ZNF823: variants seen among roughly 807,000 people sequenced by gnomAD.
ZNF823 encodes the protein zinc finger protein 823.
ZNF823 carries 5 observed loss-of-function variants against 11.4 expected under a neutral mutation model. The observed-to-expected ratio is 0.44, with a 90% CI of 0.23 to 0.92. The LOEUF is 0.92. ZNF823 is among the 40% of genes least tolerant of loss of function. The pLI, the probability that ZNF823 is intolerant of heterozygous loss-of-function variation, is 0.24. For synonymous variants in ZNF823, 234 were observed against 250.5 expected (o/e 0.93, Z 0.62); for missense variants, 582 against 738.5 (o/e 0.79, Z 2.46).
At position 11,723,276 on chromosome 19, in the gene ZNF823, A is replaced by G. The variant is rs368436106; in HGVS notation, c.258T>C (p.Ser86=). 5 of 1,613,970 alleles carry G rather than the reference A, an allele frequency of 3.1e-6. No homozygotes were observed. Among genetic ancestry groups the G allele is most frequent in the East Asian group, 2.2e-5 (1 of 44,890 alleles). Residue 86 remains serine (S), a synonymous_variant, in exon 4 of 4, where the codon AGT becomes AGC. Transcript: ENST00000341191. ...CGETFGQIPD[S]IVNKNTPRVN... ...CTCGAGGAGTGTTCTTGTTCACAAT[A>G]CTATCTGGAATCTGGCCAAAAGTTT...
Position 11,721,677 on chromosome 19 carries a change from A to C in ZNF823, c.*24T>G. On this transcript the variant is annotated 3_prime_UTR_variant, in exon 4 of 4. Transcript: ENST00000341191. ...TCAAGTTTCTGAAATTAAAGTACTG[A>C]ATGTTTTCCCACATTCCATACATTT... 1 of 1,567,962 alleles carries C rather than the reference A, an allele frequency of 6.4e-7. No homozygotes were observed. The highest frequency in any genetic ancestry group is 8.6e-7 in the Non-Finnish European group (1 of 1,158,426).
chr19:11,724,980 A>C (rs1053487460), intron 2 of ZNF823, among the ~76,000 whole-genome samples: 1 of 152,158 alleles, frequency 6.6e-6, no homozygotes, highest in Non-Finnish European at 1.5e-5. Flanking sequence ...TATGTTATCC[A>C]TAAGTGGGCC....
intron 1 of ZNF823, among the ~76,000 whole-genome samples, chr19:11,738,453 C>CT (rs1233018646): frequency 1.3e-5 from 2 of 152,248 alleles, no homozygotes; most frequent in Non-Finnish European, 2.9e-5. Context: ...CCCTCTCCCC[C>CT]ATTAAACTGT....
chr19:11,730,207 T>C (rs964739236), intron 1 of ZNF823, among the ~76,000 whole-genome samples: 2 of 152,086 alleles, frequency 1.3e-5, no homozygotes, highest in Non-Finnish European at 2.9e-5. Context: ...GGATTACAAG[T>C]GTGAGCCACC....
Position 11,722,951 on chromosome 19 carries a change from T to TA in ZNF823, c.582dup (p.Lys195Ter). 1.2e-6 allele frequency: 2 copies of TA among 1,614,220 alleles called. No homozygotes were observed. The highest frequency in any genetic ancestry group is 1.7e-6 in the Non-Finnish European group (2 of 1,180,038). ...CAAACAAAGGCTTTCCCACACAACT[T>TA]ACATTTATAAGGTCCATCTCCATGG... is the stretch of plus-strand genomic sequence containing the variant. On this transcript the variant is annotated frameshift_variant, in exon 4 of 4. Transcript: ENST00000341191. LOFTEE classifies it low-confidence loss of function (END_TRUNC). This position sits in a 1 kb window ranked among gnomAD's most constrained non-coding sequence, Gnocchi z 5.2.
intron 1 of ZNF823, among the ~76,000 whole-genome samples, chr19:11,731,044 G>A (rs1163931377): frequency 1.3e-5 from 2 of 151,468 alleles, no homozygotes; most frequent in East Asian, 3.9e-4. Context: ...CGGGTGAGGT[G>A]GCTCACGCCT....
rs1555766612 is a variant in ZNF823 at position 11,726,287 on chromosome 19, C to CATATACATATATATATATATAT, written c.4-961_4-960insATATATATATATATATGTATAT. On this transcript the variant is annotated intron_variant, in intron 1 of 3. Transcript: ENST00000341191. ...AGTAAAAAACAAAAAATAAAAAATA[C>CATATACATATATATATATATAT]ATATATATATATATATATATAAATT... Among the ~76,000 whole-genome samples, 131 of 112,216 alleles carry CATATACATATATATATATATAT rather than the reference C, an allele frequency of 1.2e-3. 3 individuals are homozygous for CATATACATATATATATATATAT. The highest frequency in any genetic ancestry group is 3.8e-3 in the South Asian group (12 of 3,172). 73.6% of individuals were successfully genotyped at this position (112,216 alleles called of 152,430 possible).
rs566091353 is a variant in ZNF823 at position 11,729,915 on chromosome 19, A to C, written c.4-4588T>G. 1.1e-3 allele frequency among the ~76,000 whole-genome samples: 161 copies of C among 148,780 alleles called. 1 individual carries two copies. Among genetic ancestry groups the C allele is most frequent in the African/African-American group, 3.8e-3 (155 of 40,434 alleles). ...ATCCAGGGCTTATATCTTGTCCCTG[A>C]GTAAAGAATCTTTTTTTTTTTTTTT... On this transcript the variant is annotated intron_variant, in intron 1 of 3. Transcript: ENST00000341191.
Position 11,735,288 on chromosome 19 carries a change from A to AG in ZNF823, c.3+3528_3+3529insC, listed in dbSNP as rs1264038857. Among the ~76,000 whole-genome samples, 832 of 151,486 alleles carry AG rather than the reference A, an allele frequency of 5.5e-3. 14 individuals are homozygous for AG. Among genetic ancestry groups the AG allele is most frequent in the African/African-American group, 0.019 (779 of 41,106 alleles). On this transcript the variant is annotated intron_variant, in intron 1 of 3. Transcript: ENST00000341191. Reference sequence around the variant, plus strand: ...AGACTCCATTTCAAAAAACAAAAAAAAAAAAAAAAAAAGAAAAGCAATTTT... The same window carrying AG: ...AGACTCCATTTCAAAAAACAAAAAAAGAAAAAAAAAAAAGAAAAGCAATTTT...
Position 11,721,656 on chromosome 19 carries a change from GT to G in ZNF823, c.*44del, listed in dbSNP as rs928426022. On this transcript the variant is annotated 3_prime_UTR_variant, in exon 4 of 4. Coordinates refer to ENST00000341191, the MANE Select transcript of ZNF823 (RefSeq NM_001080493.4). ...CTATCTCCAAAGTGAGTTCTTTCAA[GT>G]TTCTGAAATTAAAGTACTGAATGTT... is the stretch of plus-strand genomic sequence containing the variant. 3.9e-6 allele frequency: 6 copies of G among 1,536,752 alleles called. No individual in the cohort carries two copies. The highest frequency in any genetic ancestry group is 4.1e-5 in the Admixed American group (2 of 48,818).
chr19:11,731,150 T>TA (rs1370920412), intron 1 of ZNF823, among the ~76,000 whole-genome samples: 3 of 151,618 alleles, frequency 2.0e-5, no homozygotes, highest in Non-Finnish European at 2.9e-5. Context: ...CTGTCTCTAC[T>TA]AAAAATACAA....
intron 3 of ZNF823, among the ~76,000 whole-genome samples, chr19:11,723,592 T>C (rs142368623): frequency 0.025 from 3,736 of 152,210 alleles, 75 homozygotes; most frequent in East Asian, 0.1. Context: ...GTTGCCCAGG[T>C]TGGAGTGCAA....
At chr19:11,738,730 G>A in intron 1 of ZNF823, 87 bp downstream of exon 1, 1 of 1,478,580 alleles carries the variant, frequency 6.8e-7, no homozygotes, top group South Asian at 1.4e-5. Flanking sequence ...GTCGCCCAGG[G>A]CGAGGCCCGG....
intron 2 of ZNF823, 151 bp downstream of exon 2, chr19:11,725,050 G>T: frequency 1.0e-6 from 1 of 998,798 alleles, no homozygotes; most frequent in Non-Finnish European, 1.4e-6. Flanking sequence ...ATTAGAGGAT[G>T]TAAGACTGTT....
chr19:11,727,509 A>C (rs1385299304), intron 1 of ZNF823, among the ~76,000 whole-genome samples: 6 of 152,116 alleles, frequency 3.9e-5, no homozygotes, highest in African/African-American at 1.2e-4. Context: ...ACTCCATCTC[A>C]AAACAAACAA....
At chr19:11,731,799 C>T (rs1280820928) in intron 1 of ZNF823, among the ~76,000 whole-genome samples, 1 of 152,138 alleles carries the variant, frequency 6.6e-6, no homozygotes, top group Non-Finnish European at 1.5e-5. Context: ...CACCTGAGGT[C>T]AGGAGTTCGA....
At chr19:11,732,025 A>G (rs1159015765) in intron 1 of ZNF823, among the ~76,000 whole-genome samples, 1 of 152,048 alleles carries the variant, frequency 6.6e-6, no homozygotes, top group Non-Finnish European at 1.5e-5. Flanking sequence ...AAAAAAAAAA[A>G]AAAATTGGCT....
chr19:11,732,168 C>CTTTT (rs1568469751), intron 1 of ZNF823, among the ~76,000 whole-genome samples: 1 of 101,104 alleles, frequency 9.9e-6, no homozygotes, highest in East Asian at 2.6e-4. Context: ...TAAAGGTTTC[C>CTTTT]CTTTTTTTTT....
chr19:11,732,671 G>T (rs1419006458), intron 1 of ZNF823, among the ~76,000 whole-genome samples: 2 of 151,678 alleles, frequency 1.3e-5, no homozygotes, highest in Non-Finnish European at 2.9e-5. Flanking sequence ...CTGACTTCGT[G>T]ATCTGCCCAC....
Sources: gnomAD v4.1 joint callset for allele counts (sites outside exome capture counted in the v4.1 genomes callset) on GRCh38, gnomAD v4.1.1 for gene constraint, Gnocchi (gnomAD v3.1) non-coding constraint, MANE v1.5 for transcripts, NCBI Gene and HGNC (gene_info 2026-07-23, HGNC 2026-07-21) for gene names.